MCM5: variants seen among roughly 807,000 people sequenced by gnomAD.
The protein encoded by MCM5 is DNA replication licensing factor MCM5.
Under a neutral mutation model 79.9 loss-of-function variants are expected in MCM5, and 46 were observed. The ratio of observed to expected loss-of-function variants is 0.58; its 90% CI spans 0.45 to 0.74. MCM5 has a LOEUF of 0.74. Ranked by LOEUF, MCM5 falls within the 30% of genes least tolerant of loss-of-function variation. MCM5 has a pLI of 0.00. For missense variants in MCM5, 883 were observed against 1,017.0 expected, an observed-to-expected ratio of 0.87 and a Z score of 1.79; for synonymous variants, 404 against 390.5, an observed-to-expected ratio of 1.03 and a Z score of -0.41.
At chr22:35,428,398 C>G (rs924331407), downstream of MCM5, among the ~76,000 whole-genome samples, 1 of 151,424 alleles carries the variant, frequency 6.6e-6, no homozygotes, top group Non-Finnish European at 1.5e-5. Context: ...TGGGCTCAAT[C>G]GATCCTCCTG....
intron 12 of MCM5, 76 bp downstream of exon 12, chr22:35,416,890 G>T: frequency 6.6e-7 from 1 of 1,523,774 alleles, no homozygotes; most frequent in South Asian, 1.2e-5. Context: ...AAGGAGAATG[G>T]AGAACAAGGG....
At chr22:35,428,555 T>C (rs1932792200), downstream of MCM5, among the ~76,000 whole-genome samples, 1 of 152,080 alleles carries the variant, frequency 6.6e-6, no homozygotes, top group Non-Finnish European at 1.5e-5. Flanking sequence ...TATCTACATA[T>C]GTAGATAGTT....
At chr22:35,410,653 C>A in intron 6 of MCM5, 91 bp from the exon 7 acceptor site, 1 of 1,289,116 alleles carries the variant, frequency 7.8e-7, no homozygotes, top group Non-Finnish European at 1.1e-6. Flanking sequence ...CTGCAGTGGA[C>A]CCTGCGTGTC....
At chr22:35,423,113 G>A in intron 15 of MCM5, 101 bp from the exon 16 acceptor site, 1 of 1,333,626 alleles carries the variant, frequency 7.5e-7, no homozygotes, top group Non-Finnish European at 1.0e-6. Flanking sequence ...TTACTCTTCG[G>A]GGCCTGGCTC....
the MCM5 span, among the ~76,000 whole-genome samples, chr22:35,430,726 G>A: frequency 3.3e-5 from 5 of 151,864 alleles, no homozygotes; most frequent in African/African-American, 1.2e-4. Flanking sequence ...TAGCCAGTCT[G>A]GTCTGGAACT....
downstream of MCM5, among the ~76,000 whole-genome samples, chr22:35,429,256 G>T (rs1238432058): frequency 6.7e-6 from 1 of 149,762 alleles, no homozygotes; most frequent in South Asian, 2.1e-4. Context: ...AAAGTTCTGG[G>T]ATTATAGGCA....
the MCM5 span, among the ~76,000 whole-genome samples, chr22:35,435,738 C>T: frequency 6.6e-6 from 1 of 152,212 alleles, no homozygotes; most frequent in Non-Finnish European, 1.5e-5. Context: ...GCCTCCCTAA[C>T]TTGGCCTTGG....
At chr22:35,438,284 C>T in the MCM5 span, among the ~76,000 whole-genome samples, 4 of 121,714 alleles carry the variant, frequency 3.3e-5, no homozygotes, top group South Asian at 2.9e-4. Flanking sequence ...CATATTCATC[C>T]GTCCATCCAC....
In MCM5 at chr22:35,417,816, G is replaced by A. The variant is rs190214761; in HGVS notation, c.1663G>A (p.Asp555Asn). The A allele has an allele frequency of 7.1e-5, 114 of 1,614,198 alleles. 2 individuals are homozygous for A. Among genetic ancestry groups the A allele is most frequent in the Non-Finnish European group, 1.4e-5 (17 of 1,180,028 alleles). ...TQTQAVEGEI[D>N]LAKLKKFIAY... ...GACACAGGCTGTGGAGGGCGAGATTGACCTGGCCAAGCTGAAGAAGTTTAT... is the reference window on the plus strand; with the variant it reads ...GACACAGGCTGTGGAGGGCGAGATTAACCTGGCCAAGCTGAAGAAGTTTAT... Residue 555 changes from aspartate (D) to asparagine (N), a missense_variant, in exon 13 of 17, where the codon GAC becomes AAC. Physicochemically the swap from Asp to Asn is conservative, Grantham distance 23. Around this residue, in one of 3 missense-constraint regions of MCM5, gnomAD observed 426 missense variants for 482.3 expected, o/e 0.88. Transcript: ENST00000216122.
At chr22:35,441,167 G>A in the MCM5 span, among the ~76,000 whole-genome samples, 1 of 152,390 alleles carries the variant, frequency 6.6e-6, no homozygotes, top group Middle Eastern at 3.4e-3. Context: ...GTGCAGAAGA[G>A]TCTGGAAAGC....
At chr22:35,452,195 T>C in the MCM5 span, among the ~76,000 whole-genome samples, 972 of 152,244 alleles carry the variant, frequency 6.4e-3, 13 homozygotes, top group African/African-American at 0.022. Context: ...TCCTCCCTGG[T>C]CCTCCAACAG....
chr22:35,435,503 C>T, the MCM5 span, among the ~76,000 whole-genome samples: 2 of 152,184 alleles, frequency 1.3e-5, no homozygotes, highest in Non-Finnish European at 2.9e-5. Context: ...GAGGCTTCTG[C>T]AGAACAACTC....
chr22:35,423,983 C>T (rs1210422391), intron 16 of MCM5, 171 bp from the exon 17 acceptor site: 2 of 562,476 alleles, frequency 3.6e-6, no homozygotes, highest in African/African-American at 3.9e-5. Flanking sequence ...GAGCAAGTGG[C>T]TTAGCCTCCG....
chr22:35,449,982 C>T, the MCM5 span, among the ~76,000 whole-genome samples: 1 of 152,024 alleles, frequency 6.6e-6, no homozygotes, highest in African/African-American at 2.4e-5. Context: ...TGGGGTCCTG[C>T]TATGTTGCCC....
chr22:35,409,559 G>A (rs986054365), intron 6 of MCM5: 1 of 152,264 alleles, frequency 6.6e-6, no homozygotes, highest in African/African-American at 2.4e-5. Context: ...GGGTGACAGA[G>A]CGAGACCCTG....
the MCM5 span, among the ~76,000 whole-genome samples, chr22:35,430,518 T>TTTTA: frequency 7.2e-6 from 1 of 138,378 alleles, no homozygotes; most frequent in Admixed American, 7.3e-5. Context: ...TTTTTTTTTT[T>TTTTA]GAGATGGAGT....
intron 11 of MCM5, 32 bp from the exon 12 acceptor site, chr22:35,416,603 TCTC>T (rs1185827131): frequency 1.9e-6 from 3 of 1,585,260 alleles, no homozygotes; most frequent in East Asian, 2.3e-5. Flanking sequence ...ATCTTTGCCA[TCTC>T]CTCCCCCTTT....
At chr22:35,454,803 C>T in the MCM5 span, among the ~76,000 whole-genome samples, 1 of 152,070 alleles carries the variant, frequency 6.6e-6, no homozygotes, top group Non-Finnish European at 1.5e-5. Flanking sequence ...GACATTTGGG[C>T]CTGGATAAGT....
At position 35,403,402 on chromosome 22, in the gene MCM5, C is replaced by G. The variant is rs1241061103; in HGVS notation, c.295-12C>G. The G allele has an allele frequency of 6.2e-7, 1 of 1,614,190 alleles. No homozygotes were observed. The highest frequency in any genetic ancestry group is 1.1e-5 in the South Asian group (1 of 91,088). Reference sequence around the variant, plus strand: ...CCAGTTACTAATAGCCTGTGCCCTTCCCTTTCTCCAGCTGGAGGAAGCTGC... The same window carrying G: ...CCAGTTACTAATAGCCTGTGCCCTTGCCTTTCTCCAGCTGGAGGAAGCTGC... On this transcript the variant is annotated splice_polypyrimidine_tract_variant and intron_variant, in intron 3 of 16. Transcript: ENST00000216122.
Sources: gnomAD v4.1 joint callset for allele counts (sites outside exome capture counted in the v4.1 genomes callset) on GRCh38, gnomAD v4.1.1 for gene constraint, gnomAD v4.1.1 regional missense constraint, MANE v1.5 for transcripts, NCBI Gene and HGNC (gene_info 2026-07-23, HGNC 2026-07-21) for gene names.